The following RGS6 variants were observed in gnomAD, a reference collection of about 807,000 sequenced individuals.
RGS6 encodes the protein regulator of G-protein signaling 6.
In RGS6, 30 loss-of-function variants were observed where a neutral mutation model predicts 78.5. The observed-to-expected ratio is 0.38, with a 90% CI of 0.29 to 0.52. The LOEUF is 0.52. RGS6 is among the 20% of genes least tolerant of loss of function. The probability of loss-of-function intolerance (pLI) is 0.85; values close to 1 mark genes in which losing one functional copy is unlikely to be tolerated. For synonymous variants in RGS6, 206 were observed against 206.0 expected (o/e 1.00, Z 0.00); for missense variants, 495 against 609.7 (o/e 0.81, Z 1.98).
the RGS6 span, among the ~76,000 whole-genome samples, chr14:72,593,363 T>G: frequency 6.7e-6 from 1 of 149,948 alleles, no homozygotes; most frequent in Non-Finnish European, 1.5e-5. Flanking sequence ...TGCTAAAGAT[T>G]CTGGTCGTCT....
chr14:72,290,738 G>A (rs1356039352), intron 2 of RGS6, among the ~76,000 whole-genome samples: 1 of 152,170 alleles, frequency 6.6e-6, no homozygotes, highest in Non-Finnish European at 1.5e-5. Context: ...ATTCTTAAAG[G>A]AAGTGCTCAA....
At chr14:72,141,308 A>T (rs142304814) in intron 2 of RGS6, among the ~76,000 whole-genome samples, 1 of 152,086 alleles carries the variant, frequency 6.6e-6, no homozygotes, top group Non-Finnish European at 1.5e-5. Flanking sequence ...AAGAACTCCA[A>T]TCTTCATGCA....
At position 72,518,510 on chromosome 14, in the gene RGS6, A is replaced by G. The variant is rs1366512075; in HGVS notation, c.1251A>G (p.Gly417=). 1 of 1,614,074 alleles carries G rather than the reference A, an allele frequency of 6.2e-7. No homozygotes were observed. Among genetic ancestry groups the G allele is most frequent in the East Asian group, 2.2e-5 (1 of 44,898 alleles). The part of the protein sequence containing the change: ...YEITSQNVKD[G]GRYTFEDAQE... ...TAACCAGTCAAAATGTCAAAGATGGAGGGAGATATACATTTGAAGACGCCC... is the reference window on the plus strand; with the variant it reads ...TAACCAGTCAAAATGTCAAAGATGGGGGGAGATATACATTTGAAGACGCCC... The change falls in exon 15 of 18, where the codon GGA becomes GGG. Residue 417 remains glycine (G), a synonymous_variant. Transcript: ENST00000553525.
chr14:72,623,984 T>C, the RGS6 span, among the ~76,000 whole-genome samples: 1 of 152,206 alleles, frequency 6.6e-6, no homozygotes, highest in Non-Finnish European at 1.5e-5. Flanking sequence ...GGATCCAACC[T>C]GAATATGTTA....
chr14:72,421,875 C>T (rs1043157381), intron 3 of RGS6, among the ~76,000 whole-genome samples: 2 of 152,182 alleles, frequency 1.3e-5, no homozygotes, highest in African/African-American at 4.8e-5. Context: ...GTTTCCTCTT[C>T]TGAAAGGCAG....
At chr14:72,338,995 T>A (rs1354859281) in intron 2 of RGS6, among the ~76,000 whole-genome samples, 2 of 152,098 alleles carry the variant, frequency 1.3e-5, no homozygotes, top group Non-Finnish European at 2.9e-5. Flanking sequence ...AAAAATAAAT[T>A]TGAGAAATAA....
In RGS6 at chr14:72,016,133, C is replaced by T. The variant is rs117316380; in HGVS notation, c.84+51258C>T. The stretch of plus-strand genomic sequence containing the variant: ...TTTAAAAAGAAATACTGCTCTATCC[C>T]AATGTCATAAGAATAATTTCCTATA... On this transcript the variant is annotated intron_variant, in intron 2 of 17. Coordinates refer to ENST00000553525, the MANE Select transcript of RGS6 (RefSeq NM_001204424.2). Among the ~76,000 whole-genome samples, 608 of 152,242 alleles carry T rather than the reference C, an allele frequency of 4.0e-3. 4 individuals are homozygous for T. The highest frequency in any genetic ancestry group is 7.1e-3 in the Non-Finnish European group (486 of 68,016).
At chr14:71,989,437 G>A (rs8011972) in intron 2 of RGS6, among the ~76,000 whole-genome samples, 137,568 of 152,328 alleles carry the variant, frequency 0.9, 62,200 homozygotes, top group East Asian at 0.99. Context: ...TATGGTGTTC[G>A]GTGATAATAT....
chr14:71,885,116 T>C, the RGS6 span, among the ~76,000 whole-genome samples: 1 of 152,206 alleles, frequency 6.6e-6, no homozygotes, highest in Non-Finnish European at 1.5e-5. Context: ...ACGCTTCCTT[T>C]ACCCTCTTGA....
intron 2 of RGS6, among the ~76,000 whole-genome samples, chr14:72,220,557 A>C (rs1265017729): frequency 6.6e-6 from 1 of 152,302 alleles, no homozygotes; most frequent in East Asian, 1.9e-4. Context: ...ATTGGAGTGA[A>C]GTGCCTACTG....
the RGS6 span, among the ~76,000 whole-genome samples, chr14:72,600,651 A>G: frequency 2.9e-4 from 44 of 152,226 alleles, no homozygotes; most frequent in African/African-American, 9.9e-4. Context: ...GTCTAGAGAA[A>G]GGCTACCCAG....
At chr14:72,022,544 CA>C (rs1176764092) in intron 2 of RGS6, 4 of 152,170 alleles carry the variant, frequency 2.6e-5, no homozygotes, top group African/African-American at 9.7e-5. Flanking sequence ...TCCCATTTTG[CA>C]GAGAAGGAAA....
chr14:72,205,881 A>G (rs1263477069), intron 2 of RGS6, among the ~76,000 whole-genome samples: 1 of 152,244 alleles, frequency 6.6e-6, no homozygotes, highest in East Asian at 1.9e-4. Flanking sequence ...GTTGATGAGA[A>G]TATGGTAAAA....
intron 3 of RGS6, among the ~76,000 whole-genome samples, chr14:72,415,476 C>G (rs1350154933): frequency 6.6e-6 from 1 of 152,270 alleles, no homozygotes; most frequent in African/African-American, 2.4e-5. Context: ...TTCCTGACCC[C>G]TTGCGCTTCC....
intron 2 of RGS6, among the ~76,000 whole-genome samples, chr14:72,328,211 A>C (rs929981049): frequency 1.3e-5 from 2 of 152,162 alleles, no homozygotes; most frequent in African/African-American, 2.4e-5. Context: ...ATCTTTACTC[A>C]ATCTACTGAT....
chr14:72,305,434 A>C lies in RGS6; in HGVS notation c.85-46661A>C, dbSNP rs767704476. On this transcript the variant is annotated intron_variant, in intron 2 of 17. Coordinates refer to ENST00000553525, the MANE Select transcript of RGS6 (RefSeq NM_001204424.2). ...GGTTTATGGCAACTCTCCATTGAGCAAGTCTATCAGTGCCATTTTCCCAAA... is the reference window on the plus strand; with the variant it reads ...GGTTTATGGCAACTCTCCATTGAGCCAGTCTATCAGTGCCATTTTCCCAAA... Among the ~76,000 whole-genome samples, 10 of 152,222 alleles carry C rather than the reference A, an allele frequency of 6.6e-5. No individual in the cohort carries two copies. The South Asian group carries it at 1.0e-3, about 16-fold the overall frequency.
At chr14:72,530,260 A>G (rs554270219) in intron 15 of RGS6, among the ~76,000 whole-genome samples, 1 of 152,348 alleles carries the variant, frequency 6.6e-6, no homozygotes, top group East Asian at 1.9e-4. Flanking sequence ...GAGAGGTTCC[A>G]GGCACTATGA....
chr14:72,052,969 CTTTCTTTCTTTCTT>C (rs1326731046), intron 2 of RGS6, among the ~76,000 whole-genome samples: 7 of 48,088 alleles, frequency 1.5e-4, no homozygotes, highest in Admixed American at 2.5e-4. Context: ...TTCTTTCTTT[CTTTCTTTCTTTCTT>C]TCTCTCTCTC....
chr14:72,088,385 T>C (rs1428523159), intron 2 of RGS6, among the ~76,000 whole-genome samples: 2 of 152,226 alleles, frequency 1.3e-5, no homozygotes, highest in Admixed American at 1.3e-4. Context: ...CGCCGATTGC[T>C]GGCTGAGAGG....
Sources: allele counts gnomAD v4.1 joint callset (sites outside exome capture counted in the v4.1 genomes callset), GRCh38; gene constraint gnomAD v4.1.1; transcripts MANE v1.5; gene names NCBI Gene and HGNC (gene_info 2026-07-23, HGNC 2026-07-21).